CENPN: variants seen among roughly 807,000 people sequenced by gnomAD.
The protein encoded by CENPN is centromere protein N, also known as interphase centromere complex protein 32.
In CENPN, 36 loss-of-function variants were observed where a neutral mutation model predicts 48.6. The observed-to-expected ratio is 0.74, with a 90% CI of 0.57 to 0.98. The LOEUF (loss-of-function observed/expected upper bound fraction) is 0.98, where lower values mean the gene tolerates loss of function less well. Ranked by LOEUF, CENPN falls within the 50% of genes least tolerant of loss-of-function variation. CENPN has a pLI of 0.00. For synonymous variants in CENPN, 166 were observed against 135.2 expected, an observed-to-expected ratio of 1.23 and a Z score of -1.58; for missense variants, 439 against 399.2, an observed-to-expected ratio of 1.10 and a Z score of -0.85.
Position 81,028,697 on chromosome 16 carries a change from A to T in CENPN, c.*46A>T. The T allele has an allele frequency of 1.9e-6, 3 of 1,588,584 alleles. No individual in the cohort carries two copies. The highest frequency in any genetic ancestry group is 2.6e-6 in the Non-Finnish European group (3 of 1,172,358). On this transcript the variant is annotated 3_prime_UTR_variant, in exon 11 of 11. Coordinates refer to ENST00000305850, the MANE Select transcript of CENPN (RefSeq NM_001100624.3). ...CACAGCTCCTCCTTCTTGATATTGC[A>T]CATGCACTTCAGTTCATGGCTAGCT... is the stretch of plus-strand genomic sequence containing the variant.
At chr16:81,012,496 A>G (rs2549879) in intron 2 of CENPN, among the ~76,000 whole-genome samples, 99,789 of 152,130 alleles carry the variant, frequency 0.66, 34,357 homozygotes, top group Middle Eastern at 0.8. Context: ...TTAATTGCTT[A>G]TTGTTTTAAA....
chr16:81,017,294 T>A (rs759209838), intron 3 of CENPN, 32 bp from the exon 4 acceptor site: 1 of 1,451,466 alleles, frequency 6.9e-7, no homozygotes, highest in Non-Finnish European at 9.7e-7. Flanking sequence ...TTCTATGATA[T>A]GCTAGTAATA....
chr16:81,017,675 A>T, intron 4 of CENPN, 83 bp from the exon 5 acceptor site: 1 of 938,156 alleles, frequency 1.1e-6, no homozygotes, highest in Non-Finnish European at 1.7e-6. Context: ...CAAAATGCTT[A>T]GTTTCATGGT....
rs1343705200 is a variant in CENPN, at chr16:81,031,144, G to A, written c.*2493G>A. 1 of 151,244 alleles carries A rather than the reference G, an allele frequency of 6.6e-6. No homozygotes were observed. The highest frequency in any genetic ancestry group is 1.5e-5 in the Non-Finnish European group (1 of 67,892). 9.4% of individuals were successfully genotyped at this position (151,244 alleles called of 1,614,324 possible). A position where few individuals can be genotyped will look rare whatever the true frequency, so the allele number is the denominator to read the frequency against. On this transcript the variant is annotated 3_prime_UTR_variant, in exon 11 of 11. Transcript: ENST00000305850. The stretch of plus-strand genomic sequence containing the variant: ...CCATTCTAAAAAGGACTCCCTACAT[G>A]ACCTGCAACTTGAAAAAAAATTAAA...
At chr16:81,025,070 A>C (rs572025347) in intron 8 of CENPN, among the ~76,000 whole-genome samples, 1 of 152,376 alleles carries the variant, frequency 6.6e-6, no homozygotes, top group African/African-American at 2.4e-5. Context: ...GTTTATATGT[A>C]TTCTTTCCTT....
At chr16:81,011,357 C>A (rs1240802889) in intron 1 of CENPN, among the ~76,000 whole-genome samples, 1 of 152,142 alleles carries the variant, frequency 6.6e-6, no homozygotes, top group Non-Finnish European at 1.5e-5. Flanking sequence ...TGTGATTTCC[C>A]TGTTGTTTCT....
chr16:81,027,960 T>C (rs1187881875), intron 9 of CENPN, among the ~76,000 whole-genome samples: 1 of 152,144 alleles, frequency 6.6e-6, no homozygotes, highest in Non-Finnish European at 1.5e-5. Flanking sequence ...TCGCCTTGGC[T>C]TCCCAAAGTG....
At chr16:81,026,169 G>A (rs1018523921) in intron 8 of CENPN, among the ~76,000 whole-genome samples, 17 of 146,332 alleles carry the variant, frequency 1.2e-4, no homozygotes, top group African/African-American at 4.0e-4. Context: ...ATATATATGT[G>A]TATATATATG....
chr16:81,028,946 G>A lies in CENPN; in HGVS notation c.*295G>A. ...TGAATGCTCTGAAATCAAGCATATG[G>A]CACAGCGCTCAAGACTTTTGGGTTT... On this transcript the variant is annotated 3_prime_UTR_variant, in exon 11 of 11. Transcript: ENST00000305850. 1 of 1,067,028 alleles carries A rather than the reference G, an allele frequency of 9.4e-7. No homozygotes were observed. 66.1% of individuals were successfully genotyped at this position (1,067,028 alleles called of 1,614,324 possible).
intron 1 of CENPN, 156 bp downstream of exon 1, chr16:81,007,433 G>C (rs1969469712): frequency 6.6e-6 from 1 of 152,208 alleles, no homozygotes; most frequent in Non-Finnish European, 1.5e-5. Flanking sequence ...GAGGAACTAC[G>C]GTTCGGGCCG....
At chr16:81,009,161 G>A (rs1969637310) in intron 1 of CENPN, among the ~76,000 whole-genome samples, 1 of 152,194 alleles carries the variant, frequency 6.6e-6, no homozygotes, top group Admixed American at 6.5e-5. Flanking sequence ...AGGCTGCAGT[G>A]AGCAGAAATC....
At chr16:81,014,273 C>A in intron 3 of CENPN, 92 bp downstream of exon 3, 1 of 1,092,158 alleles carries the variant, frequency 9.2e-7, no homozygotes, top group Non-Finnish European at 1.4e-6. Flanking sequence ...CTCCCTCTGT[C>A]GCCCAGGCTG....
At position 81,026,143 on chromosome 16, in the gene CENPN, G is replaced by GTGTATATATATGTGTA. The variant is rs1555522755; in HGVS notation, c.698-382_698-381insGTATATATATGTGTAT. ...TATATATATGTGTGTATATATATAT[G>GTGTATATATATGTGTA]TATATATATATGTGTATATATATGT... On this transcript the variant is annotated intron_variant, in intron 8 of 10. Coordinates refer to ENST00000305850, the MANE Select transcript of CENPN (RefSeq NM_001100624.3). 1.4e-4 allele frequency among the ~76,000 whole-genome samples: 20 copies of GTGTATATATATGTGTA among 143,224 alleles called. No individual in the cohort carries two copies. The South Asian group carries it at 1.7e-3, about 12-fold the overall frequency. The allele number at this position is 143,224 out of a possible 152,430, so 94.0% of individuals were successfully genotyped here.
At chr16:81,015,894 A>G (rs1969911064) in intron 3 of CENPN, among the ~76,000 whole-genome samples, 1 of 152,102 alleles carries the variant, frequency 6.6e-6, no homozygotes, top group African/African-American at 2.4e-5. Flanking sequence ...GTAATCTGCT[A>G]TTCGGGAGGC....
intron 1 of CENPN, among the ~76,000 whole-genome samples, chr16:81,010,616 C>G (rs1259210033): frequency 6.6e-6 from 1 of 152,180 alleles, no homozygotes; most frequent in Non-Finnish European, 1.5e-5. Context: ...GTCACAGATC[C>G]AGCTGTTTAT....
chr16:81,012,484 C>T (rs1969782893), intron 2 of CENPN, among the ~76,000 whole-genome samples: 1 of 152,158 alleles, frequency 6.6e-6, no homozygotes, highest in Non-Finnish European at 1.5e-5. Flanking sequence ...GTATTTATCT[C>T]TTTAATTGCT....
chr16:81,009,503 A>G (rs899031058), intron 1 of CENPN, among the ~76,000 whole-genome samples: 1 of 152,234 alleles, frequency 6.6e-6, no homozygotes, highest in Admixed American at 6.5e-5. Flanking sequence ...AAGGCTTTAG[A>G]TGGTCCAGTA....
In CENPN at chr16:81,031,030, C is replaced by CAAA. The variant is rs1174006771; in HGVS notation, c.*2380_*2381insAAA. ...CACCACTGCACTCCAGCCTAGGTGA[C>CAAA]AGAGTGAGACTCCATCTTAAAAAAT... is the stretch of plus-strand genomic sequence containing the variant. On this transcript the variant is annotated 3_prime_UTR_variant, in exon 11 of 11. Transcript: ENST00000305850. The CAAA allele has an allele frequency of 2.0e-5, 3 of 152,020 alleles. No individual in the cohort carries two copies. Among genetic ancestry groups the CAAA allele is most frequent in the Admixed American group, 6.6e-5 (1 of 15,248 alleles). 9.4% of individuals were successfully genotyped at this position (152,020 alleles called of 1,614,324 possible).
intron 7 of CENPN, chr16:81,023,159 G>A (rs1480863018): frequency 6.0e-6 from 2 of 335,834 alleles, no homozygotes; most frequent in South Asian, 2.6e-5. Context: ...TGAATGTAAT[G>A]TTCCCCTCTA....
Sources: allele counts gnomAD v4.1 joint callset (sites outside exome capture counted in the v4.1 genomes callset), GRCh38; gene constraint gnomAD v4.1.1; transcripts MANE v1.5; gene names NCBI Gene and HGNC (gene_info 2026-07-23, HGNC 2026-07-21).